The following RANBP17 variants were observed in gnomAD, a reference collection of about 807,000 sequenced individuals.
RANBP17 encodes the protein ran-binding protein 17.
Under a neutral mutation model 141.2 loss-of-function variants are expected in RANBP17, and 158 were observed. That is an observed-to-expected ratio of 1.12 (90% confidence interval 0.98 to 1.28). The LOEUF (loss-of-function observed/expected upper bound fraction) is 1.28, where lower values mean the gene tolerates loss of function less well. RANBP17 is among the 50% of genes most tolerant of loss of function. The pLI is 0.00. For missense variants in RANBP17, 1,438 were observed against 1,290.7 expected, an observed-to-expected ratio of 1.11 and a Z score of -1.75; for synonymous variants, 430 against 450.0, an observed-to-expected ratio of 0.96 and a Z score of 0.56.
At chr5:170,975,067 C>G (rs1395564797) in intron 14 of RANBP17, among the ~76,000 whole-genome samples, 2 of 152,132 alleles carry the variant, frequency 1.3e-5, no homozygotes, top group African/African-American at 2.4e-5. Context: ...TTTGTGTTCT[C>G]TCCTGAACAT....
intron 23 of RANBP17, 99 bp from the exon 24 acceptor site, chr5:171,242,583 G>A (rs897861566): frequency 2.7e-5 from 34 of 1,263,962 alleles, no homozygotes; most frequent in Non-Finnish European, 3.8e-5. Flanking sequence ...GTTTAAATAA[G>A]TTTACAATTT....
At chr5:171,074,958 A>C (rs1462722394) in intron 14 of RANBP17, among the ~76,000 whole-genome samples, 1 of 152,178 alleles carries the variant, frequency 6.6e-6, no homozygotes, top group Non-Finnish European at 1.5e-5. Flanking sequence ...CATGTTAGGT[A>C]TGTGATGTTT....
At chr5:171,176,360 C>G (rs1760483101) in intron 16 of RANBP17, among the ~76,000 whole-genome samples, 1 of 152,068 alleles carries the variant, frequency 6.6e-6, no homozygotes, top group African/African-American at 2.4e-5. Context: ...TCATCCTTAT[C>G]TAGAGTTAAC....
intron 27 of RANBP17, among the ~76,000 whole-genome samples, chr5:171,297,322 G>A: frequency 6.6e-6 from 1 of 152,132 alleles, no homozygotes; most frequent in East Asian, 1.9e-4. Flanking sequence ...TCCCCCTCAT[G>A]GATCTTACAT....
chr5:170,919,300 A>T, intron 10 of RANBP17, 141 bp from the exon 11 acceptor site: 1 of 545,796 alleles, frequency 1.8e-6, no homozygotes, highest in African/African-American at 1.9e-5. Flanking sequence ...TGCATTTATA[A>T]ATTTGCTATA....
intron 14 of RANBP17, among the ~76,000 whole-genome samples, chr5:171,034,310 A>G (rs1781735259): frequency 6.6e-6 from 1 of 152,078 alleles, no homozygotes. Flanking sequence ...AGCCACTTAC[A>G]CATTACTCTT....
intron 12 of RANBP17, among the ~76,000 whole-genome samples, chr5:170,932,883 G>A (rs1329980458): frequency 6.6e-6 from 1 of 151,466 alleles, no homozygotes; most frequent in Non-Finnish European, 1.5e-5. Flanking sequence ...TTTTTTTGTT[G>A]TGTCTCTACC....
intron 22 of RANBP17, among the ~76,000 whole-genome samples, chr5:171,231,610 G>C (rs1382036098): frequency 6.6e-6 from 1 of 152,188 alleles, no homozygotes; most frequent in Non-Finnish European, 1.5e-5. Flanking sequence ...GTAGCTACCA[G>C]TTAACAATTG....
chr5:171,073,762 T>C (rs1359989924), intron 14 of RANBP17, among the ~76,000 whole-genome samples: 1 of 151,902 alleles, frequency 6.6e-6, no homozygotes, highest in Non-Finnish European at 1.5e-5. Flanking sequence ...GAGAAATGGC[T>C]AATGCTGCAT....
At chr5:171,262,794 T>G (rs1028913906) in intron 24 of RANBP17, among the ~76,000 whole-genome samples, 1 of 152,210 alleles carries the variant, frequency 6.6e-6, no homozygotes, top group Admixed American at 6.5e-5. Context: ...GAAAAGCTCC[T>G]TTCTTAAAAG....
chr5:170,967,739 A>T lies in RANBP17; in HGVS notation c.1575-503A>T, dbSNP rs553735070. Among the ~76,000 whole-genome samples the T allele has an allele frequency of 7.9e-5, 12 of 151,832 alleles. 1 individual carries two copies. The East Asian group carries it at 2.1e-3, about 27-fold the overall frequency. ...TATTTAAGGTAAAATTTTATTATTC[A>T]TTAAGGGCAGGATATAACTTTTGTT... On this transcript the variant is annotated intron_variant, in intron 13 of 27. Coordinates refer to ENST00000523189, the MANE Select transcript of RANBP17 (RefSeq NM_022897.5).
At chr5:171,214,773 AT>A (rs984292218) in intron 21 of RANBP17, among the ~76,000 whole-genome samples, 9 of 152,096 alleles carry the variant, frequency 5.9e-5, no homozygotes, top group South Asian at 2.1e-4. Context: ...TTATATTTCC[AT>A]TTTTTTAACC....
chr5:171,193,117 G>A (rs1761757813), intron 18 of RANBP17, among the ~76,000 whole-genome samples: 1 of 152,148 alleles, frequency 6.6e-6, no homozygotes, highest in South Asian at 2.1e-4. Context: ...TTCGCCCAGT[G>A]CCTATGTCTC....
chr5:171,100,351 T>G (rs1787059050), intron 14 of RANBP17, among the ~76,000 whole-genome samples: 1 of 152,214 alleles, frequency 6.6e-6, no homozygotes, highest in Non-Finnish European at 1.5e-5. Context: ...GTCCAGGAAT[T>G]TATCCATTTC....
chr5:171,269,880 A>G (rs959192144), intron 25 of RANBP17, among the ~76,000 whole-genome samples: 8 of 152,216 alleles, frequency 5.3e-5, no homozygotes, highest in African/African-American at 1.9e-4. Flanking sequence ...ACTAGACCCT[A>G]ATGACTAATT....
chr5:171,064,691 AT>A (rs375558139), intron 14 of RANBP17, among the ~76,000 whole-genome samples: 17 of 150,816 alleles, frequency 1.1e-4, no homozygotes, highest in African/African-American at 2.2e-4. Context: ...TAATTTTTGT[AT>A]TTTTTTTTCA....
Position 170,868,661 on chromosome 5 carries a change from A to G in RANBP17, c.18+6610A>G, listed in dbSNP as rs1001456609. Among the ~76,000 whole-genome samples the G allele has an allele frequency of 1.1e-4, 16 of 152,158 alleles. 1 individual carries two copies. The South Asian group carries it at 1.5e-3, about 14-fold the overall frequency. On this transcript the variant is annotated intron_variant, in intron 1 of 27. Transcript: ENST00000523189. ...CTCTTAGTTATTTATATGGGCTTCT[A>G]ATGTTATCATTAAGACTTGTAGAAG... is the stretch of plus-strand genomic sequence containing the variant.
chr5:171,169,881 A>G (rs1759977255), intron 14 of RANBP17, among the ~76,000 whole-genome samples: 1 of 152,038 alleles, frequency 6.6e-6, no homozygotes, highest in Non-Finnish European at 1.5e-5. Context: ...TGGTGGGAGT[A>G]AAATGGATAT....
At chr5:171,012,120 A>T (rs1016304150) in intron 14 of RANBP17, among the ~76,000 whole-genome samples, 2 of 151,940 alleles carry the variant, frequency 1.3e-5, no homozygotes, top group South Asian at 4.2e-4. Context: ...GTTTAAACAA[A>T]TAATATAATT....
Sources: gnomAD v4.1 joint callset for allele counts (sites outside exome capture counted in the v4.1 genomes callset) on GRCh38, gnomAD v4.1.1 for gene constraint, MANE v1.5 for transcripts, NCBI Gene and HGNC (gene_info 2026-07-23, HGNC 2026-07-21) for gene names.